RABGEF1: variants seen among roughly 807,000 people sequenced by gnomAD.
RABGEF1 encodes the protein RAB guanine nucleotide exchange factor 1.
Under a neutral mutation model 57.3 loss-of-function variants are expected in RABGEF1, and 26 were observed. The observed-to-expected ratio is 0.45, with a 90% CI of 0.33 to 0.63. The LOEUF (loss-of-function observed/expected upper bound fraction) is 0.63, where lower values mean the gene tolerates loss of function less well. Among genes scored for constraint, RABGEF1 ranks in the 20% least tolerant of loss-of-function variants. The pLI is 0.02. For synonymous variants in RABGEF1, 185 were observed against 210.7 expected (o/e 0.88, Z 1.06); for missense variants, 464 against 607.6 (o/e 0.76, Z 2.48).
At chr7:66,725,053 A>G (rs1796443530) in intron 2 of RABGEF1, among the ~76,000 whole-genome samples, 1 of 152,154 alleles carries the variant, frequency 6.6e-6, no homozygotes. Flanking sequence ...AATCTTGAAC[A>G]TATTTCTATA....
upstream of RABGEF1, among the ~76,000 whole-genome samples, chr7:66,739,414 G>A (rs1798463604): frequency 1.3e-5 from 2 of 150,964 alleles, no homozygotes; most frequent in African/African-American, 4.9e-5. Flanking sequence ...TAGCACTTTG[G>A]GAAGCCAAGG....
the RABGEF1 span, among the ~76,000 whole-genome samples, chr7:66,668,288 G>C: frequency 6.6e-6 from 1 of 152,090 alleles, no homozygotes; most frequent in African/African-American, 2.4e-5. Flanking sequence ...TTAGAAATGG[G>C]GTCTGGCTAT....
intron 1 of RABGEF1, among the ~76,000 whole-genome samples, chr7:66,691,259 A>G (rs1791473125): frequency 6.6e-6 from 1 of 152,216 alleles, no homozygotes; most frequent in Non-Finnish European, 1.5e-5. Flanking sequence ...ACATAATTCT[A>G]TATATTCCTA....
intron 1 of RABGEF1, among the ~76,000 whole-genome samples, chr7:66,752,590 C>A (rs1348188358): frequency 2.0e-5 from 3 of 152,112 alleles, no homozygotes; most frequent in Non-Finnish European, 4.4e-5. Flanking sequence ...GAATGAAGTC[C>A]TGAGAATAAA....
upstream of RABGEF1, among the ~76,000 whole-genome samples, chr7:66,679,608 C>A (rs535285426): frequency 3.0e-3 from 460 of 152,290 alleles, 17 homozygotes; most frequent in East Asian, 0.076. Context: ...TGTGAGCCAC[C>A]ACACCCAGCC....
chr7:66,809,366 T>C lies in RABGEF1; in HGVS notation c.*82T>C. The C allele has an allele frequency of 2.1e-6, 3 of 1,417,310 alleles. No homozygotes were observed. 87.8% of individuals were successfully genotyped at this position (1,417,310 alleles called of 1,614,324 possible). ...ACTCAACTGATTGGGATCTAGAATG[T>C]AACTAAATTGCTTATAAATGTCAGC... On this transcript the variant is annotated 3_prime_UTR_variant, in exon 9 of 9. Coordinates refer to ENST00000284957, the MANE Select transcript of RABGEF1 (RefSeq NM_014504.3).
rs1052542617 is a variant in RABGEF1 at position 66,810,077 on chromosome 7, T to C, written c.*793T>C. On this transcript the variant is annotated 3_prime_UTR_variant, in exon 9 of 9. Coordinates refer to ENST00000284957, the MANE Select transcript of RABGEF1 (RefSeq NM_014504.3). ...CCCTCATTCATTCAGCAAATCTCTA[T>C]TGAGTTCTTCAGTGAGAAGGAGCAG... 6 of 152,172 alleles carry C rather than the reference T, an allele frequency of 3.9e-5. No individual in the cohort carries two copies. Among genetic ancestry groups the C allele is most frequent in the Admixed American group, 3.3e-4 (5 of 15,270 alleles). The allele number at this position is 152,172 out of a possible 1,614,324, so 9.4% of individuals were successfully genotyped here. A position where few individuals can be genotyped will look rare whatever the true frequency, so the allele number is the denominator to read the frequency against.
upstream of RABGEF1, among the ~76,000 whole-genome samples, chr7:66,681,299 TCA>T (rs1789707362): frequency 6.6e-6 from 1 of 152,104 alleles, no homozygotes; most frequent in Non-Finnish European, 1.5e-5. Context: ...TACATGGGAA[TCA>T]CATAAAGAAA....
chr7:66,787,275 C>G (rs1811402156), intron 4 of RABGEF1, among the ~76,000 whole-genome samples: 1 of 149,076 alleles, frequency 6.7e-6, no homozygotes, highest in Admixed American at 6.8e-5. Context: ...CTCAAGTGGT[C>G]TGCCCGCCTT....
chr7:66,762,985 A>C (rs753252688), intron 1 of RABGEF1, among the ~76,000 whole-genome samples: 42 of 152,332 alleles, frequency 2.8e-4, no homozygotes, highest in Non-Finnish European at 3.5e-4. Context: ...TAGCAGTTTA[A>C]AACACTCATT....
intron 2 of RABGEF1, among the ~76,000 whole-genome samples, chr7:66,729,053 C>T (rs558937900): frequency 2.0e-5 from 3 of 151,824 alleles, no homozygotes; most frequent in East Asian, 1.9e-4. Flanking sequence ...TGGGTTCAAC[C>T]GATTCTCCTG....
chr7:66,700,598 G>A (rs1793107366), intron 1 of RABGEF1, among the ~76,000 whole-genome samples: 2 of 152,182 alleles, frequency 1.3e-5, no homozygotes, highest in Admixed American at 6.5e-5. Context: ...TAGGGGTGTG[G>A]AAGGGAGCTC....
At chr7:66,675,093 G>A in the RABGEF1 span, among the ~76,000 whole-genome samples, 2 of 152,058 alleles carry the variant, frequency 1.3e-5, no homozygotes, top group Non-Finnish European at 2.9e-5. Flanking sequence ...CTCTGTGCCA[G>A]CGATTTTCTA....
intron 2 of RABGEF1, among the ~76,000 whole-genome samples, chr7:66,734,722 C>T (rs776987784): frequency 9.2e-5 from 14 of 151,766 alleles, no homozygotes; most frequent in African/African-American, 3.1e-4. Flanking sequence ...TGTGAGCCAC[C>T]GTGCCTGGCC....
At chr7:66,790,926 CA>C (rs1165871849) in intron 4 of RABGEF1, among the ~76,000 whole-genome samples, 2 of 152,184 alleles carry the variant, frequency 1.3e-5, no homozygotes, top group African/African-American at 4.8e-5. Context: ...TTTAAATGAA[CA>C]AAATGTCTTT....
intron 2 of RABGEF1, among the ~76,000 whole-genome samples, chr7:66,732,714 A>G (rs1360458985): frequency 6.7e-6 from 1 of 148,350 alleles, no homozygotes; most frequent in Non-Finnish European, 1.5e-5. Context: ...TCTCTCGCTC[A>G]CTCTCTCTCG....
intron 2 of RABGEF1, among the ~76,000 whole-genome samples, chr7:66,723,967 G>T (rs1349432868): frequency 6.6e-6 from 1 of 151,972 alleles, no homozygotes; most frequent in Admixed American, 6.6e-5. Context: ...TCATTGTCTT[G>T]TATTTCATGT....
At chr7:66,658,775 G>A in the RABGEF1 span, among the ~76,000 whole-genome samples, 9 of 152,004 alleles carry the variant, frequency 5.9e-5, no homozygotes, top group Non-Finnish European at 5.9e-5. Context: ...TCGCTCTGTC[G>A]CCCACGCTAG....
chr7:66,694,204 C>A (rs769475687), intron 1 of RABGEF1, among the ~76,000 whole-genome samples: 1 of 152,166 alleles, frequency 6.6e-6, no homozygotes, highest in Non-Finnish European at 1.5e-5. Context: ...CCCAATGCAG[C>A]GGGGGACACC....
Sources: allele counts gnomAD v4.1 joint callset (sites outside exome capture counted in the v4.1 genomes callset), GRCh38; gene constraint gnomAD v4.1.1; transcripts MANE v1.5; gene names NCBI Gene and HGNC (gene_info 2026-07-23, HGNC 2026-07-21).